Variants in CA8 observed in about 807,000 individuals in gnomAD.
The protein encoded by CA8 is carbonic anhydrase-related protein.
Under a neutral mutation model 41.4 loss-of-function variants are expected in CA8, and 22 were observed. The ratio of observed to expected loss-of-function variants is 0.53; its 90% CI spans 0.38 to 0.76. The LOEUF is 0.76. CA8 is among the 30% of genes least tolerant of loss of function. The probability of loss-of-function intolerance (pLI) is 0.00; values close to 1 mark genes in which losing one functional copy is unlikely to be tolerated. For synonymous variants in CA8, 121 were observed against 130.6 expected, an observed-to-expected ratio of 0.93 and a Z score of 0.50; for missense variants, 270 against 352.8, an observed-to-expected ratio of 0.77 and a Z score of 1.88.
chr8:60,219,834 A>G (rs1807173988), intron 7 of CA8, among the ~76,000 whole-genome samples: 1 of 151,040 alleles, frequency 6.6e-6, no homozygotes, highest in Non-Finnish European at 1.5e-5. Flanking sequence ...CCTGGGAATG[A>G]TAACGGCAGT....
At position 60,215,638 on chromosome 8, in the gene CA8, G is replaced by A. The variant is rs1337283419; in HGVS notation, c.739-6719C>T. ...AAGAAATATATACTCATTCAGATCC[G>A]TTCAATTGTGTTTTTTCTCCCTACA... On this transcript the variant is annotated intron_variant, in intron 7 of 8. Coordinates refer to ENST00000317995, the MANE Select transcript of CA8 (RefSeq NM_004056.6). Among the ~76,000 whole-genome samples the A allele has an allele frequency of 2.6e-5, 4 of 152,024 alleles. No individual in the cohort carries two copies. The South Asian group carries it at 6.2e-4, about 24-fold the overall frequency.
intron 8 of CA8, among the ~76,000 whole-genome samples, chr8:60,204,617 C>A (rs1399512981): frequency 6.6e-6 from 1 of 152,108 alleles, no homozygotes; most frequent in East Asian, 1.9e-4. Flanking sequence ...TTCTGAGCAT[C>A]CTTGGTGTTT....
chr8:60,267,832 T>A (rs966034703), intron 2 of CA8, among the ~76,000 whole-genome samples: 1 of 152,182 alleles, frequency 6.6e-6, no homozygotes, highest in African/African-American at 2.4e-5. Context: ...TAAAAAACTT[T>A]TAATATATGG....
intron 8 of CA8, among the ~76,000 whole-genome samples, chr8:60,201,516 A>C (rs929981118): frequency 2.6e-5 from 4 of 152,220 alleles, no homozygotes; most frequent in African/African-American, 9.6e-5. Flanking sequence ...CGTGGCAAGA[A>C]GGCAGGCAGT....
At chr8:60,250,823 G>C (rs1808415471) in intron 3 of CA8, among the ~76,000 whole-genome samples, 1 of 151,968 alleles carries the variant, frequency 6.6e-6, no homozygotes, top group African/African-American at 2.4e-5. Flanking sequence ...CACTGCTCTT[G>C]GTCAAATAAC....
intron 7 of CA8, among the ~76,000 whole-genome samples, chr8:60,209,329 C>T (rs1806752305): frequency 6.6e-6 from 1 of 152,036 alleles, no homozygotes; most frequent in Non-Finnish European, 1.5e-5. Context: ...ACTAAAAATA[C>T]AAAAATCAGC....
intron 3 of CA8, among the ~76,000 whole-genome samples, chr8:60,258,702 G>A (rs1313901394): frequency 6.6e-6 from 1 of 152,128 alleles, no homozygotes; most frequent in East Asian, 1.9e-4. Flanking sequence ...CCCATCTAGG[G>A]GTGATGGGAG....
intron 3 of CA8, 68 bp from the exon 4 acceptor site, chr8:60,232,447 T>A: frequency 1.9e-6 from 2 of 1,045,800 alleles, no homozygotes; most frequent in Non-Finnish European, 3.0e-6. Flanking sequence ...AGCAAAGATA[T>A]AGCCATTTCT....
chr8:60,274,431 C>G (rs1804164047), intron 2 of CA8, among the ~76,000 whole-genome samples: 1 of 152,164 alleles, frequency 6.6e-6, no homozygotes, highest in Non-Finnish European at 1.5e-5. Flanking sequence ...AGCTAAGTAA[C>G]TACAGGAAGA....
chr8:60,259,152 G>T lies in CA8; in HGVS notation c.417+6773C>A, dbSNP rs1259759921. On this transcript the variant is annotated intron_variant, in intron 3 of 8. Transcript: ENST00000317995. ...AGACAAATAAAAGAATGAATACATGGATATGAGTTATTTAGATGGCCACCC... is the reference window on the plus strand; with the variant it reads ...AGACAAATAAAAGAATGAATACATGTATATGAGTTATTTAGATGGCCACCC... 2.6e-5 allele frequency among the ~76,000 whole-genome samples: 4 copies of T among 152,240 alleles called. No individual in the cohort carries two copies. In the South Asian group the frequency reaches 8.3e-4, roughly 32 times the overall value.
intron 3 of CA8, among the ~76,000 whole-genome samples, chr8:60,255,254 G>A (rs1400390722): frequency 1.3e-5 from 1 of 74,724 alleles, no homozygotes; most frequent in East Asian, 3.1e-4. Context: ...GCCCCCCACC[G>A]CCCTACCTTT....
At chr8:60,199,600 CAATT>C (rs2130393018) in intron 8 of CA8, among the ~76,000 whole-genome samples, 1 of 152,236 alleles carries the variant, frequency 6.6e-6, no homozygotes, top group South Asian at 2.1e-4. Context: ...ACAGTTTTAA[CAATT>C]AATTTATTAC....
chr8:60,231,596 G>T (rs1269042712), intron 4 of CA8, among the ~76,000 whole-genome samples: 1 of 152,176 alleles, frequency 6.6e-6, no homozygotes. Flanking sequence ...CCTGATGGCA[G>T]CTTTAAAGCT....
chr8:60,252,021 A>G (rs1563370583), intron 3 of CA8, among the ~76,000 whole-genome samples: 1 of 152,194 alleles, frequency 6.6e-6, no homozygotes, highest in Non-Finnish European at 1.5e-5. Flanking sequence ...AGATATGGGT[A>G]AATGTAAAAT....
At chr8:60,221,773 A>C (rs1807259706) in intron 7 of CA8, among the ~76,000 whole-genome samples, 1 of 152,214 alleles carries the variant, frequency 6.6e-6, no homozygotes, top group African/African-American at 2.4e-5. Flanking sequence ...GAAATTATTA[A>C]ATGTTGGAAG....
Position 60,222,648 on chromosome 8 carries a change from C to T in CA8, c.738+1G>A, listed in dbSNP as rs2130467123. ...TGAAAGATTCAAAGTAGCACACTCA[C>T]CTGTAGCTGGGATATAGTTAAAGGG... On this transcript the variant is annotated splice_donor_variant, in intron 7 of 8. Coordinates refer to ENST00000317995, the MANE Select transcript of CA8 (RefSeq NM_004056.6). LOFTEE classifies it high-confidence loss of function. 1 of 1,544,478 alleles carries T rather than the reference C, an allele frequency of 6.5e-7. No individual in the cohort carries two copies. Among genetic ancestry groups the T allele is most frequent in the Non-Finnish European group, 9.0e-7 (1 of 1,116,354 alleles).
intron 7 of CA8, among the ~76,000 whole-genome samples, chr8:60,212,761 C>A (rs1382189470): frequency 3.3e-5 from 5 of 152,200 alleles, no homozygotes; most frequent in African/African-American, 1.2e-4. Context: ...GCATTGTACA[C>A]TTTAAAATGC....
chr8:60,267,682 G>T (rs1175484316), intron 2 of CA8, among the ~76,000 whole-genome samples: 1 of 152,132 alleles, frequency 6.6e-6, no homozygotes, highest in Non-Finnish European at 1.5e-5. Flanking sequence ...CCACATCCCA[G>T]GGTTGAGGCA....
rs113105700 is a variant in CA8, at chr8:60,240,732, C to CAA, written c.418-8355_418-8354dup. On this transcript the variant is annotated intron_variant, in intron 3 of 8. Transcript: ENST00000317995. ...TTGCTTAATTGCCTTCCTCAGCCCC[C>CAA]AAAAAATCCAACTATAGAAAACTGT... Among the ~76,000 whole-genome samples the CAA allele has an allele frequency of 8.6e-3, 1,314 of 151,958 alleles. 17 individuals carry two copies. The highest frequency in any genetic ancestry group is 0.03 in the African/African-American group (1,228 of 41,414).
Sources: allele counts gnomAD v4.1 joint callset (sites outside exome capture counted in the v4.1 genomes callset), GRCh38; gene constraint gnomAD v4.1.1; transcripts MANE v1.5; gene names NCBI Gene and HGNC (gene_info 2026-07-23, HGNC 2026-07-21).